The following H2AZ2 variants were observed in gnomAD, a reference collection of about 807,000 sequenced individuals.
H2AZ2 encodes the protein H2A.Z variant histone 2.
H2AZ2 carries 5 observed loss-of-function variants against 15.5 expected under a neutral mutation model. The observed-to-expected ratio is 0.32, with a 90% CI of 0.17 to 0.68. H2AZ2 has a LOEUF of 0.68. Ranked by LOEUF, H2AZ2 falls within the 30% of genes least tolerant of loss-of-function variation. The probability of loss-of-function intolerance (pLI) is 0.72; values close to 1 mark genes in which losing one functional copy is unlikely to be tolerated. For missense variants in H2AZ2, 42 were observed against 162.5 expected, an observed-to-expected ratio of 0.26 and a Z score of 4.03; for synonymous variants, 44 against 57.4, an observed-to-expected ratio of 0.77 and a Z score of 1.05.
intron 3 of H2AZ2, among the ~76,000 whole-genome samples, chr7:44,836,019 G>A (rs1022132501): frequency 6.7e-6 from 1 of 149,946 alleles, no homozygotes; most frequent in African/African-American, 2.5e-5. Context: ...GAGTGCAGTG[G>A]TGTGATCTTG....
rs1176143343 is a variant in H2AZ2, at chr7:44,837,498, TG to T, written c.196-1841del. ...TTCATTGTCCAATCTTAACCTAAAT[TG>T]TTTTTTTTTTTTGAGACATGGTCTC... On this transcript the variant is annotated intron_variant, in intron 3 of 4. Coordinates refer to ENST00000308153, the MANE Select transcript of H2AZ2 (RefSeq NM_012412.5). Among the ~76,000 whole-genome samples, 5 of 149,478 alleles carry T rather than the reference TG, an allele frequency of 3.3e-5. No individual in the cohort carries two copies. The South Asian group carries it at 8.4e-4, about 25-fold the overall frequency.
chr7:44,845,197 T>TA (rs771145330), intron 1 of H2AZ2, among the ~76,000 whole-genome samples: 5 of 151,996 alleles, frequency 3.3e-5, no homozygotes, highest in Non-Finnish European at 7.4e-5. Flanking sequence ...CCCAAGATAA[T>TA]ATGGAAGAAA....
At chr7:44,836,851 C>T (rs1191231653) in intron 3 of H2AZ2, among the ~76,000 whole-genome samples, 1 of 149,896 alleles carries the variant, frequency 6.7e-6, no homozygotes, top group African/African-American at 2.4e-5. Flanking sequence ...AAAAAATTAG[C>T]TGGGTGTGGT....
intron 2 of H2AZ2, among the ~76,000 whole-genome samples, chr7:44,841,332 T>C (rs1793270915): frequency 6.6e-6 from 1 of 152,226 alleles, no homozygotes; most frequent in Non-Finnish European, 1.5e-5. Flanking sequence ...AATAGCCACA[T>C]GCAACTTTGA....
chr7:44,831,347 C>G (rs1402286132), downstream of H2AZ2, among the ~76,000 whole-genome samples: 1 of 150,084 alleles, frequency 6.7e-6, no homozygotes, highest in Non-Finnish European at 1.5e-5. Context: ...CCTAGTTGTT[C>G]TATTTCTATG....
At chr7:44,839,242 T>G (rs1214131943) in intron 3 of H2AZ2, among the ~76,000 whole-genome samples, 1 of 152,194 alleles carries the variant, frequency 6.6e-6, no homozygotes, top group African/African-American at 2.4e-5. Context: ...TCACAAATAC[T>G]GTCTACTGAT....
Position 44,843,372 on chromosome 7 carries a change from T to A in H2AZ2, c.4-18A>T, listed in dbSNP as rs769459904. On this transcript the variant is annotated intron_variant, in intron 1 of 4. Coordinates refer to ENST00000308153, the MANE Select transcript of H2AZ2 (RefSeq NM_012412.5). ...CCTCCAGCCTAAATGCAAAAAAAAA[T>A]TTTTTTGAATGAAAAGAGTTGAAAA... The A allele has an allele frequency of 1.8e-5, 28 of 1,551,734 alleles. No homozygotes were observed. The highest frequency in any genetic ancestry group is 2.3e-5 in the Non-Finnish European group (26 of 1,133,804).
chr7:44,847,921 C>A lies in H2AZ2; in HGVS notation c.3+48G>T, dbSNP rs764440140. ...CGGCGCCGACGCCAGGGCCTCCGCG[C>A]TCTGCTCTCCCAGGCCCCGTGCCCC... On this transcript the variant is annotated intron_variant, in intron 1 of 4. Transcript: ENST00000308153. The A allele has an allele frequency of 2.6e-6, 4 of 1,531,956 alleles. No individual in the cohort carries two copies. In the African/African-American group the frequency reaches 4.3e-5, roughly 16 times the overall value. 94.9% of individuals were successfully genotyped at this position (1,531,956 alleles called of 1,614,324 possible). A position where few individuals can be genotyped will look rare whatever the true frequency, so the allele number is the denominator to read the frequency against.
At chr7:44,839,543 G>A (rs1419060429) in intron 3 of H2AZ2, among the ~76,000 whole-genome samples, 3 of 151,922 alleles carry the variant, frequency 2.0e-5, no homozygotes, top group African/African-American at 7.2e-5. Flanking sequence ...TTAGCCGGGC[G>A]TGGTGGCGGG....
At chr7:44,847,786 C>T (rs1793449753) in intron 1 of H2AZ2, among the ~76,000 whole-genome samples, 183 bp downstream of exon 1, 1 of 152,166 alleles carries the variant, frequency 6.6e-6, no homozygotes, top group African/African-American at 2.4e-5. Flanking sequence ...AGCTCTCACC[C>T]GGGGACCCGT....
At chr7:44,845,391 T>C (rs1013930889) in intron 1 of H2AZ2, among the ~76,000 whole-genome samples, 3 of 152,176 alleles carry the variant, frequency 2.0e-5, no homozygotes, top group Non-Finnish European at 4.4e-5. Flanking sequence ...TATGTTGTTA[T>C]ATAAGAAAAA....
intron 4 of H2AZ2, 165 bp downstream of exon 4, chr7:44,835,364 A>T: frequency 2.0e-6 from 1 of 507,032 alleles, no homozygotes; most frequent in Non-Finnish European, 3.3e-6. Context: ...TGAAATATTT[A>T]TTCAGATCAT....
chr7:44,829,581 C>G (rs1421459956), downstream of H2AZ2: 1 of 117,240 alleles, frequency 8.5e-6, no homozygotes, highest in Non-Finnish European at 1.7e-5. Context: ...GTCTGGGTGA[C>G]AAGAATGAGA....
intron 3 of H2AZ2, among the ~76,000 whole-genome samples, chr7:44,839,248 C>T (rs1355798977): frequency 6.6e-6 from 1 of 152,204 alleles, no homozygotes; most frequent in African/African-American, 2.4e-5. Flanking sequence ...ATACTGTCTA[C>T]TGATTACATA....
chr7:44,837,491 C>T (rs1793157157), intron 3 of H2AZ2, among the ~76,000 whole-genome samples: 1 of 140,904 alleles, frequency 7.1e-6, no homozygotes. Context: ...CCAATCTTAA[C>T]CTAAATTGTT....
In H2AZ2 at chr7:44,832,277, C is replaced by A. The variant is rs888055641; in HGVS notation, c.*2224G>T. Among the ~76,000 whole-genome samples the A allele has an allele frequency of 2.0e-5, 3 of 152,122 alleles. No individual in the cohort carries two copies. Among genetic ancestry groups the A allele is most frequent in the Non-Finnish European group, 4.4e-5 (3 of 68,016 alleles). ...CAAAAAATGTTTTAGCAGTCTTACA[C>A]AATGGTATTGTGGTTATGTTCAAAA... On this transcript the variant is annotated 3_prime_UTR_variant, in exon 5 of 5. Transcript: ENST00000308153.
intron 3 of H2AZ2, among the ~76,000 whole-genome samples, chr7:44,838,272 C>T (rs949173653): frequency 7.9e-5 from 12 of 151,546 alleles, no homozygotes; most frequent in African/African-American, 2.2e-4. Flanking sequence ...CGTGCCCAGC[C>T]GTGAAATTTA....
At chr7:44,847,862 C>T in intron 1 of H2AZ2, 107 bp downstream of exon 1, 1 of 1,471,026 alleles carries the variant, frequency 6.8e-7, no homozygotes, top group Non-Finnish European at 9.1e-7. Context: ...CGGACGAAGC[C>T]CAGACACCCG....
downstream of H2AZ2, among the ~76,000 whole-genome samples, chr7:44,831,379 G>A (rs116139383): frequency 2.5e-3 from 384 of 152,152 alleles, no homozygotes; most frequent in African/African-American, 8.6e-3. Context: ...AAAACAAATT[G>A]AAAATACAAC....
Sources: gnomAD v4.1 joint callset for allele counts (sites outside exome capture counted in the v4.1 genomes callset) on GRCh38, gnomAD v4.1.1 for gene constraint, MANE v1.5 for transcripts, NCBI Gene and HGNC (gene_info 2026-07-23, HGNC 2026-07-21) for gene names.